The following SYNE2 variants were observed in gnomAD, a reference collection of about 807,000 sequenced individuals.
The protein encoded by SYNE2 is nesprin-2.
SYNE2 carries 431 observed loss-of-function variants against 856.3 expected under a neutral mutation model. The ratio of observed to expected loss-of-function variants is 0.50; its 90% confidence interval spans 0.47 to 0.55. The LOEUF is 0.55. Ranked by LOEUF, SYNE2 falls within the 20% of genes least tolerant of loss-of-function variation. The pLI is 0.00. For synonymous variants in SYNE2, 2,923 were observed against 2,872.3 expected, an observed-to-expected ratio of 1.02 and a Z score of -0.56; for missense variants, 8,129 against 8,023.2, an observed-to-expected ratio of 1.01 and a Z score of -0.50.
intron 58 of SYNE2, among the ~76,000 whole-genome samples, chr14:64,088,878 A>G (rs1483671762): frequency 1.3e-5 from 2 of 152,208 alleles, no homozygotes; most frequent in Non-Finnish European, 2.9e-5. Context: ...TGGTTACTGA[A>G]GCTCATTTCA....
chr14:64,026,450 A>G, intron 41 of SYNE2, 129 bp from the exon 42 acceptor site: 1 of 738,254 alleles, frequency 1.4e-6, no homozygotes, highest in Non-Finnish European at 2.3e-6. Context: ...TACATATAAA[A>G]ATGAAAAGAT....
At chr14:63,772,221 G>A (rs2139708759) in intron 1 of SYNE2, among the ~76,000 whole-genome samples, 1 of 152,258 alleles carries the variant, frequency 6.6e-6, no homozygotes, top group Middle Eastern at 3.4e-3. Flanking sequence ...GGGTGTGGTG[G>A]TGTGCACCTG....
Position 63,881,575 on chromosome 14 carries a change from A to G in SYNE2, c.-51-27523A>G, listed in dbSNP as rs2094865635. 3.4e-5 allele frequency among the ~76,000 whole-genome samples: 5 copies of G among 149,242 alleles called. 1 individual carries two copies. In the Admixed American group the frequency reaches 3.4e-4, roughly 10 times the overall value. ...GTGTCATATATTTTTATATATACTT[A>G]TATATTTATGGAAAATTTTATGTTT... On this transcript the variant is annotated intron_variant, in intron 1 of 115. Coordinates refer to ENST00000555002, the MANE Select transcript of SYNE2 (RefSeq NM_182914.3).
At chr14:63,929,249 T>A (rs2095712219) in intron 2 of SYNE2, among the ~76,000 whole-genome samples, 1 of 152,114 alleles carries the variant, frequency 6.6e-6, no homozygotes, top group African/African-American at 2.4e-5. Flanking sequence ...GAGATTGAAT[T>A]AATAATTCAT....
intron 6 of SYNE2, 99 bp downstream of exon 6, chr14:63,942,242 TCTC>T: frequency 1.3e-6 from 1 of 779,254 alleles, no homozygotes; most frequent in Non-Finnish European, 2.2e-6. Flanking sequence ...GTCCTGAGCT[TCTC>T]CTATAAATAG....
At chr14:64,058,488 C>T (rs1323983094) in intron 49 of SYNE2, among the ~76,000 whole-genome samples, 2 of 151,956 alleles carry the variant, frequency 1.3e-5, no homozygotes, top group African/African-American at 2.4e-5. Flanking sequence ...AGGCCAATAA[C>T]TCTTTTTTTC....
At chr14:63,967,234 A>G (rs1445895364) in intron 10 of SYNE2, among the ~76,000 whole-genome samples, 1 of 152,222 alleles carries the variant, frequency 6.6e-6, no homozygotes, top group Non-Finnish European at 1.5e-5. Context: ...TAAATATTTG[A>G]AGGCAAAGTG....
At position 64,031,006 on chromosome 14, in the gene SYNE2, C is replaced by T. The variant is rs2097030118; in HGVS notation, c.6880-10C>T. 1.9e-6 allele frequency: 3 copies of T among 1,602,198 alleles called. No homozygotes were observed. Among genetic ancestry groups the T allele is most frequent in the Admixed American group, 1.7e-5 (1 of 59,976 alleles). ...GAATGGAGATATAACAATCTTTTCT[C>T]CACTCGTAGGAACTAGAGAATAGAC... On this transcript the variant is annotated splice_polypyrimidine_tract_variant and intron_variant, in intron 44 of 115. Coordinates refer to ENST00000555002, the MANE Select transcript of SYNE2 (RefSeq NM_182914.3).
At chr14:64,122,511 C>T (rs1042153708) in intron 70 of SYNE2, 84 bp downstream of exon 70, 2 of 1,582,722 alleles carry the variant, frequency 1.3e-6, no homozygotes, top group East Asian at 2.3e-5. Context: ...TGTATATTCT[C>T]CAGAAAGCAA....
chr14:63,772,950 T>A (rs1405407482), intron 1 of SYNE2, among the ~76,000 whole-genome samples: 1 of 151,726 alleles, frequency 6.6e-6, no homozygotes, highest in Non-Finnish European at 1.5e-5. Context: ...GCTAATTTTT[T>A]GTATTTTTAG....
intron 94 of SYNE2, 125 bp downstream of exon 94, chr14:64,170,587 C>T: frequency 1.0e-6 from 1 of 1,002,990 alleles, no homozygotes; most frequent in Non-Finnish European, 1.5e-6. Context: ...CAGTGTGAGG[C>T]CAGCAAGGTG....
chr14:64,092,956 C>A (rs548674228), intron 60 of SYNE2, among the ~76,000 whole-genome samples: 1 of 150,198 alleles, frequency 6.7e-6, no homozygotes, highest in African/African-American at 2.5e-5. Context: ...CGGAAAGCCC[C>A]CCCGCTCCCC....
In SYNE2 at chr14:64,119,422, C is replaced by G; in HGVS notation, c.12841-5C>G. 1 of 1,614,100 alleles carries G rather than the reference C, an allele frequency of 6.2e-7. No homozygotes were observed. The highest frequency in any genetic ancestry group is 1.7e-5 in the Admixed American group (1 of 60,020). ...TATGAATAATTAAATGCTTTTATTT[C>G]CTAGGCTATGCTAACAGAGATTGAG... On this transcript the variant is annotated splice_region_variant and splice_polypyrimidine_tract_variant and intron_variant, in intron 66 of 115. Coordinates refer to ENST00000555002, the MANE Select transcript of SYNE2 (RefSeq NM_182914.3).
At chr14:63,777,221 T>C (rs917095877) in intron 1 of SYNE2, among the ~76,000 whole-genome samples, 1 of 152,232 alleles carries the variant, frequency 6.6e-6, no homozygotes, top group African/African-American at 2.4e-5. Flanking sequence ...TTGACTGCTA[T>C]GACAGAATAC....
At chr14:63,801,916 C>G (rs1888145607) in intron 1 of SYNE2, among the ~76,000 whole-genome samples, 1 of 150,692 alleles carries the variant, frequency 6.6e-6, no homozygotes, top group South Asian at 2.1e-4. Context: ...AAGGATAATT[C>G]TATTTAAAAT....
Position 64,087,731 on chromosome 14 carries a change from G to T in SYNE2, c.11545G>T (p.Glu3849Ter), listed in dbSNP as rs749468370. ...NLLHSIFMDL[E>*]DLSIIFETDE... ...TTTACATTCAATCTTTATGGATCTA[G>T]AAGACCTGTCAATAATTTTTGAAAC... Residue 3849 changes from glutamate (E) to a stop codon, truncating the protein, a stop_gained, in exon 58 of 116, where the codon GAA becomes TAA. Coordinates refer to ENST00000555002, the MANE Select transcript of SYNE2 (RefSeq NM_182914.3). LOFTEE classifies it high-confidence loss of function. 6.2e-7 allele frequency: 1 copy of T among 1,614,096 alleles called. No homozygotes were observed.
chr14:63,925,929 C>T (rs1361527500), intron 2 of SYNE2, among the ~76,000 whole-genome samples: 2 of 152,092 alleles, frequency 1.3e-5, no homozygotes, highest in South Asian at 2.1e-4. Context: ...TCTCGGCTCA[C>T]TGCATCCTCT....
intron 13 of SYNE2, among the ~76,000 whole-genome samples, chr14:63,978,500 A>G (rs1368452072): frequency 6.6e-6 from 1 of 152,244 alleles, no homozygotes; most frequent in Non-Finnish European, 1.5e-5. Flanking sequence ...ATTAATAATG[A>G]AAACTTTTAA....
chr14:64,026,235 G>C (rs2096977303), intron 41 of SYNE2, among the ~76,000 whole-genome samples: 1 of 152,174 alleles, frequency 6.6e-6, no homozygotes, highest in African/African-American at 2.4e-5. Flanking sequence ...TCTATGCTTA[G>C]GTTATAAAAA....
Sources: gnomAD v4.1 joint callset for allele counts (sites outside exome capture counted in the v4.1 genomes callset) on GRCh38, gnomAD v4.1.1 for gene constraint, MANE v1.5 for transcripts, NCBI Gene and HGNC (gene_info 2026-07-23, HGNC 2026-07-21) for gene names.